The following METTL25 variants were observed in gnomAD, a reference collection of about 807,000 sequenced individuals.
METTL25 encodes probable methyltransferase-like protein 25.
Under a neutral mutation model 71.6 loss-of-function variants are expected in METTL25, and 64 were observed. That is an observed-to-expected ratio of 0.89 (90% CI 0.73 to 1.10). The LOEUF (loss-of-function observed/expected upper bound fraction) is 1.10, where lower values mean the gene tolerates loss of function less well. METTL25 is among the 50% of genes least tolerant of loss of function. The pLI is 0.00. For synonymous variants in METTL25, 287 were observed against 250.3 expected (o/e 1.15, Z -1.38); for missense variants, 807 against 707.0 (o/e 1.14, Z -1.60).
intron 9 of METTL25, among the ~76,000 whole-genome samples, chr12:82,459,389 C>T (rs765924680): frequency 7.9e-5 from 12 of 152,126 alleles, no homozygotes; most frequent in Non-Finnish European, 1.2e-4. Context: ...ACACTTTGGA[C>T]GGCCAAGACA....
intron 1 of METTL25, among the ~76,000 whole-genome samples, chr12:82,367,261 T>C (rs1378559268): frequency 2.6e-5 from 4 of 152,234 alleles, no homozygotes; most frequent in Admixed American, 1.3e-4. Context: ...CCTCTATTCG[T>C]TTGGATTTTT....
chr12:82,457,331 G>A (rs200460468), intron 9 of METTL25, among the ~76,000 whole-genome samples: 8 of 150,120 alleles, frequency 5.3e-5, no homozygotes, highest in Non-Finnish European at 5.9e-5. Flanking sequence ...ACCACTGAGG[G>A]AAAAAAAAAC....
At chr12:82,403,855 G>A (rs1886850185) in intron 5 of METTL25, among the ~76,000 whole-genome samples, 1 of 152,120 alleles carries the variant, frequency 6.6e-6, no homozygotes, top group Admixed American at 6.6e-5. Flanking sequence ...ACTAATAATA[G>A]TAGTTCGTTT....
chr12:82,439,754 T>C (rs978453236), intron 8 of METTL25: 3 of 392,872 alleles, frequency 7.6e-6, no homozygotes, highest in Non-Finnish European at 1.0e-5. Context: ...CCTTCTCTTA[T>C]ATTTACCCTA....
At chr12:82,463,758 C>T (rs1892048861) in intron 9 of METTL25, among the ~76,000 whole-genome samples, 1 of 151,712 alleles carries the variant, frequency 6.6e-6, no homozygotes, top group African/African-American at 2.4e-5. Flanking sequence ...TATTTTTTAT[C>T]TTTTTTCATA....
At chr12:82,386,670 T>C in intron 1 of METTL25, 133 bp from the exon 2 acceptor site, 6 of 698,242 alleles carry the variant, frequency 8.6e-6, no homozygotes, top group Non-Finnish European at 1.2e-5. Context: ...ATTAGATATA[T>C]TGCCAAAATT....
chr12:82,430,536 AAGTC>A (rs1318855544), intron 5 of METTL25, among the ~76,000 whole-genome samples: 1 of 151,668 alleles, frequency 6.6e-6, no homozygotes, highest in Non-Finnish European at 1.5e-5. Context: ...CATTTTTAAA[AAGTC>A]AGACCAACAA....
chr12:82,421,516 A>G (rs1053254899), intron 5 of METTL25, among the ~76,000 whole-genome samples: 1 of 152,144 alleles, frequency 6.6e-6, no homozygotes, highest in Non-Finnish European at 1.5e-5. Flanking sequence ...TGCCAATGAA[A>G]TATCCATTTG....
chr12:82,362,917 TATAAG>T lies in METTL25; in HGVS notation c.259+4095_259+4099del, dbSNP rs550564678. Among the ~76,000 whole-genome samples, 530 of 152,248 alleles carry T rather than the reference TATAAG, an allele frequency of 3.5e-3. 2 individuals carry two copies. Among genetic ancestry groups the T allele is most frequent in the South Asian group, 6.2e-3 (30 of 4,820 alleles). ...TTCTGGAAAATGCCAAAGGCAGAAATATAAGAAGAGGTTACTATTGAAAGACTGTG... is the reference window on the plus strand; with the variant it reads ...TTCTGGAAAATGCCAAAGGCAGAAATAAGAGGTTACTATTGAAAGACTGTG... On this transcript the variant is annotated intron_variant, in intron 1 of 11. Transcript: ENST00000248306.
In METTL25 at chr12:82,417,473, T is replaced by G. The variant is rs548016029; in HGVS notation, c.1280-13420T>G. On this transcript the variant is annotated intron_variant, in intron 5 of 11. Transcript: ENST00000248306. ...ATACGTTAAAAAGTTAAAGTTTGTT[T>G]GGCATTACTTGTGACACTCCCTTCA... Among the ~76,000 whole-genome samples, 23 of 152,326 alleles carry G rather than the reference T, an allele frequency of 1.5e-4. No homozygotes were observed. The South Asian group carries it at 4.8e-3, about 32-fold the overall frequency.
At chr12:82,369,762 T>A (rs1283146017) in intron 1 of METTL25, among the ~76,000 whole-genome samples, 1 of 112,598 alleles carries the variant, frequency 8.9e-6, no homozygotes, top group Non-Finnish European at 1.9e-5. Context: ...TACACAGTGC[T>A]GATTGGTCCA....
intron 6 of METTL25, among the ~76,000 whole-genome samples, chr12:82,433,080 G>A (rs968914224): frequency 1.5e-4 from 22 of 151,480 alleles, no homozygotes; most frequent in African/African-American, 5.3e-4. Context: ...TTCAAGAATA[G>A]TATTAATGTT....
chr12:82,392,336 A>G (rs1374360061), intron 3 of METTL25, among the ~76,000 whole-genome samples: 1 of 144,856 alleles, frequency 6.9e-6, no homozygotes, highest in African/African-American at 2.6e-5. Context: ...GTTCCCACCT[A>G]TGAGTGAGAA....
At chr12:82,425,472 G>A (rs1298363760) in intron 5 of METTL25, among the ~76,000 whole-genome samples, 1 of 152,022 alleles carries the variant, frequency 6.6e-6, no homozygotes, top group African/African-American at 2.4e-5. Flanking sequence ...AAATAAGAAA[G>A]AATGGCATTA....
rs1453279212 is a variant in METTL25 at position 82,428,196 on chromosome 12, A to T, written c.1280-2697A>T. Among the ~76,000 whole-genome samples the T allele has an allele frequency of 5.3e-5, 8 of 151,894 alleles. No individual in the cohort carries two copies. The East Asian group carries it at 1.2e-3, about 22-fold the overall frequency. ...ATTTGCACATATAATTTCTGCCCAC[A>T]TTCAACTGGCCACAACCTACTCATG... On this transcript the variant is annotated intron_variant, in intron 5 of 11. Transcript: ENST00000248306.
At chr12:82,438,506 T>G in intron 7 of METTL25, 1 of 348,622 alleles carries the variant, frequency 2.9e-6, no homozygotes, top group East Asian at 4.1e-5. Flanking sequence ...GTTTCTTTTA[T>G]GGTTTCTTTT....
chr12:82,446,183 T>G (rs1190119408), intron 8 of METTL25, among the ~76,000 whole-genome samples: 1 of 152,046 alleles, frequency 6.6e-6, no homozygotes, highest in East Asian at 1.9e-4. Flanking sequence ...AAGCAAATAT[T>G]AATAGATCTA....
intron 8 of METTL25, among the ~76,000 whole-genome samples, chr12:82,440,341 T>C (rs1192741704): frequency 6.6e-6 from 1 of 151,976 alleles, no homozygotes; most frequent in Non-Finnish European, 1.5e-5. Flanking sequence ...TCTGAATAAC[T>C]TCACTTAAAT....
intron 1 of METTL25, among the ~76,000 whole-genome samples, chr12:82,362,918 A>G (rs1444398690): frequency 6.6e-6 from 1 of 151,178 alleles, no homozygotes; most frequent in South Asian, 2.1e-4. Context: ...AGGCAGAAAT[A>G]TAAGAAGAGG....
Sources: gnomAD v4.1 joint callset for allele counts (sites outside exome capture counted in the v4.1 genomes callset) on GRCh38, gnomAD v4.1.1 for gene constraint, MANE v1.5 for transcripts, NCBI Gene and HGNC (gene_info 2026-07-23, HGNC 2026-07-21) for gene names.